The following SGCD variants were observed in gnomAD, a reference collection of about 807,000 sequenced individuals.
SGCD encodes delta-sarcoglycan.
A neutral mutation model predicts 36.6 loss-of-function variants in SGCD; 18 were observed. The ratio of observed to expected loss-of-function variants is 0.49; its 90% confidence interval spans 0.34 to 0.73. The LOEUF (loss-of-function observed/expected upper bound fraction) is 0.73. Among genes scored for constraint, SGCD ranks in the 30% least tolerant of loss-of-function variants. SGCD has a pLI of 0.01. For missense variants in SGCD, 387 were observed against 346.7 expected, an observed-to-expected ratio of 1.12 and a Z score of -0.92; for synonymous variants, 133 against 130.6, an observed-to-expected ratio of 1.02 and a Z score of -0.12.
chr5:156,087,640 CAA>C (rs146938753), intron 1 of SGCD, among the ~76,000 whole-genome samples: 1,063 of 79,832 alleles, frequency 0.013, 8 homozygotes, highest in African/African-American at 0.035. Flanking sequence ...AACTCCATCT[CAA>C]AAAAAAAAAA....
intron 4 of SGCD, among the ~76,000 whole-genome samples, chr5:156,544,132 T>C (rs1251591647): frequency 6.6e-6 from 1 of 152,192 alleles, no homozygotes; most frequent in African/African-American, 2.4e-5. Context: ...GCAATATCCC[T>C]TAGTCTAGGT....
intron 2 of SGCD, among the ~76,000 whole-genome samples, chr5:156,118,515 C>G (rs932548356): frequency 1.3e-5 from 2 of 152,110 alleles, no homozygotes; most frequent in Non-Finnish European, 2.9e-5. Context: ...ACATTCAATT[C>G]TAAAAGCACA....
intron 6 of SGCD, among the ~76,000 whole-genome samples, chr5:156,599,380 GAA>G (rs5872475): frequency 6.7e-6 from 1 of 148,800 alleles, no homozygotes; most frequent in South Asian, 2.1e-4. Context: ...TATAGAAAAA[GAA>G]AAAAAAATGG....
intron 3 of SGCD, among the ~76,000 whole-genome samples, chr5:156,234,677 A>G (rs1765111098): frequency 6.6e-6 from 1 of 152,242 alleles, no homozygotes; most frequent in South Asian, 2.1e-4. Flanking sequence ...ACATGGAAAT[A>G]TGATCAGTCA....
chr5:156,740,267 G>T (rs1280349542), intron 7 of SGCD, among the ~76,000 whole-genome samples: 1 of 152,172 alleles, frequency 6.6e-6, no homozygotes, highest in Non-Finnish European at 1.5e-5. Context: ...ATGGCTGTTG[G>T]TTCATTAGTG....
chr5:156,074,279 G>A (rs1760696882), intron 1 of SGCD, among the ~76,000 whole-genome samples: 1 of 152,000 alleles, frequency 6.6e-6, no homozygotes, highest in African/African-American at 2.4e-5. Flanking sequence ...GGAACTGATG[G>A]GATTGTCATC....
At chr5:156,752,886 C>T (rs1757201447) in intron 7 of SGCD, among the ~76,000 whole-genome samples, 1 of 152,186 alleles carries the variant, frequency 6.6e-6, no homozygotes, top group Non-Finnish European at 1.5e-5. Flanking sequence ...GCCTCATTCA[C>T]ATTTAGGCCA....
intron 4 of SGCD, among the ~76,000 whole-genome samples, chr5:156,542,627 T>C (rs2113155992): frequency 6.6e-6 from 1 of 152,298 alleles, no homozygotes; most frequent in South Asian, 2.1e-4. Context: ...TATTCCTATA[T>C]TATAGGTAAG....
At chr5:156,436,420 A>G (rs1323251236) in intron 3 of SGCD, among the ~76,000 whole-genome samples, 1 of 152,216 alleles carries the variant, frequency 6.6e-6, no homozygotes, top group African/African-American at 2.4e-5. Flanking sequence ...TTGTCAAGTC[A>G]TATAGTCAGA....
intron 1 of SGCD, among the ~76,000 whole-genome samples, chr5:156,018,090 G>A (rs1176293821): frequency 6.6e-6 from 1 of 152,110 alleles, no homozygotes; most frequent in Non-Finnish European, 1.5e-5. Flanking sequence ...AGCCTAGGAG[G>A]TCAAGGCTGC....
the SGCD span, among the ~76,000 whole-genome samples, chr5:155,777,973 C>T: frequency 3.9e-5 from 6 of 152,144 alleles, no homozygotes; most frequent in South Asian, 2.1e-4. Flanking sequence ...TTCTTTATAC[C>T]TATTGCTCTA....
upstream of SGCD, among the ~76,000 whole-genome samples, chr5:155,869,791 G>A (rs1342323851): frequency 2.0e-5 from 3 of 152,138 alleles, no homozygotes; most frequent in Non-Finnish European, 4.4e-5. Flanking sequence ...ACGAGGTCAA[G>A]AGATCGAGAC....
chr5:156,256,502 A>AT (rs917294984), intron 3 of SGCD, among the ~76,000 whole-genome samples: 51 of 152,230 alleles, frequency 3.4e-4, no homozygotes, highest in African/African-American at 1.2e-3. Context: ...CGCATCTATC[A>AT]TTTTTTTATT....
At chr5:156,258,448 T>C (rs983766796) in intron 3 of SGCD, among the ~76,000 whole-genome samples, 2 of 152,194 alleles carry the variant, frequency 1.3e-5, no homozygotes, top group African/African-American at 4.8e-5. Flanking sequence ...AAAAGTTCAT[T>C]GATATGATTT....
chr5:156,178,947 G>A (rs1763537804), intron 3 of SGCD, among the ~76,000 whole-genome samples: 1 of 152,232 alleles, frequency 6.6e-6, no homozygotes. Flanking sequence ...TTCCTAATAG[G>A]TCCAACGCAT....
At chr5:156,423,829 G>A (rs1580971562) in intron 3 of SGCD, among the ~76,000 whole-genome samples, 1 of 152,002 alleles carries the variant, frequency 6.6e-6, no homozygotes, top group African/African-American at 2.4e-5. Context: ...CCCTAGCTTT[G>A]TCATCTATAG....
upstream of SGCD, among the ~76,000 whole-genome samples, chr5:155,866,468 T>G (rs1023809525): frequency 6.6e-6 from 1 of 152,172 alleles, no homozygotes; most frequent in Non-Finnish European, 1.5e-5. Context: ...CTGAAGATAT[T>G]CCTCCCCATT....
intron 1 of SGCD, among the ~76,000 whole-genome samples, chr5:156,001,383 G>T (rs958861102): frequency 6.6e-6 from 1 of 152,138 alleles, no homozygotes; most frequent in Non-Finnish European, 1.5e-5. Context: ...TCAAAATCTT[G>T]TCAGTGATTC....
At chr5:156,555,245 T>G (rs1322421399) in intron 4 of SGCD, among the ~76,000 whole-genome samples, 1 of 152,196 alleles carries the variant, frequency 6.6e-6, no homozygotes, top group Admixed American at 6.6e-5. Flanking sequence ...TTATCTACTT[T>G]TTCTTTGAAT....
Sources: allele counts gnomAD v4.1 joint callset (sites outside exome capture counted in the v4.1 genomes callset), GRCh38; gene constraint gnomAD v4.1.1; transcripts MANE v1.5; gene names NCBI Gene and HGNC (gene_info 2026-07-23, HGNC 2026-07-21).